Variants in DNM1L observed in about 807,000 individuals in gnomAD.
The protein encoded by DNM1L is dynamin 1L.
A neutral mutation model predicts 92.8 loss-of-function variants in DNM1L; 33 were observed. That is an observed-to-expected ratio of 0.36 (90% CI 0.27 to 0.48). DNM1L has a LOEUF of 0.48. DNM1L is among the 20% of genes least tolerant of loss of function. The probability of loss-of-function intolerance (pLI) is 0.99; values close to 1 mark genes in which losing one functional copy is unlikely to be tolerated. For missense variants in DNM1L, 485 were observed against 888.8 expected, an observed-to-expected ratio of 0.55 and a Z score of 5.78; for synonymous variants, 284 against 305.0, an observed-to-expected ratio of 0.93 and a Z score of 0.72.
At chr12:32,717,349 TATATATAGTATATATA>T (rs1565517515) in intron 6 of DNM1L, among the ~76,000 whole-genome samples, 3 of 62,588 alleles carry the variant, frequency 4.8e-5, no homozygotes, top group East Asian at 3.2e-4. Context: ...TACTATATAT[TATATATAGTATATATA>T]ATATATATAC....
chr12:32,737,006 TGTAA>T (rs1159746723), intron 13 of DNM1L, 95 bp from the exon 14 acceptor site: 1 of 1,156,178 alleles, frequency 8.6e-7, no homozygotes, highest in African/African-American at 1.5e-5. Context: ...AGGATGTATC[TGTAA>T]GTTACTCCAC....
intron 2 of DNM1L, among the ~76,000 whole-genome samples, chr12:32,703,197 G>C (rs1278074850): frequency 6.6e-6 from 1 of 151,890 alleles, no homozygotes; most frequent in Non-Finnish European, 1.5e-5. Context: ...GTACATTTCA[G>C]CTATCGTAGT....
intron 2 of DNM1L, among the ~76,000 whole-genome samples, chr12:32,703,614 CAAA>C (rs61051514): frequency 2.6e-4 from 23 of 86,904 alleles, no homozygotes; most frequent in African/African-American, 7.3e-4. Context: ...CATAAACTTT[CAAA>C]AAAAAAAAAA....
chr12:32,716,242 T>TGGG (rs139854269), intron 6 of DNM1L, among the ~76,000 whole-genome samples: 98 of 147,954 alleles, frequency 6.6e-4, no homozygotes, highest in South Asian at 3.0e-3. Context: ...GAAAATTTGG[T>TGGG]GGGGGGGGGT....
chr12:32,716,242 TG>T (rs139854269), intron 6 of DNM1L, among the ~76,000 whole-genome samples: 295 of 147,964 alleles, frequency 2.0e-3, no homozygotes, highest in African/African-American at 6.6e-3. Flanking sequence ...GAAAATTTGG[TG>T]GGGGGGGGTG....
chr12:32,687,363 T>C (rs1952057038), intron 1 of DNM1L, among the ~76,000 whole-genome samples: 1 of 152,182 alleles, frequency 6.6e-6, no homozygotes, highest in Non-Finnish European at 1.5e-5. Context: ...GCTTCTCCAG[T>C]TGACCTAGTA....
At chr12:32,708,286 G>A (rs1216792641) in intron 4 of DNM1L, 62 bp downstream of exon 4, 2 of 1,093,460 alleles carry the variant, frequency 1.8e-6, no homozygotes, top group Non-Finnish European at 2.8e-6. Flanking sequence ...GAGGTATTCT[G>A]TACATAATAT....
At chr12:32,689,217 G>A (rs369864463) in intron 1 of DNM1L, among the ~76,000 whole-genome samples, 1 of 144,454 alleles carries the variant, frequency 6.9e-6, no homozygotes, top group African/African-American at 2.6e-5. Context: ...TTATTTTTGA[G>A]GCAGAGTTTC....
intron 16 of DNM1L, chr12:32,739,699 T>C (rs1955148861): frequency 4.3e-6 from 1 of 234,424 alleles, no homozygotes; most frequent in Non-Finnish European, 8.5e-6. Context: ...CAGTTCTTTG[T>C]GCTTTTAACG....
At chr12:32,708,281 A>G (rs1953000587) in intron 4 of DNM1L, 57 bp downstream of exon 4, 1 of 1,136,478 alleles carries the variant, frequency 8.8e-7, no homozygotes, top group Non-Finnish European at 1.3e-6. Context: ...TAATTGAGGT[A>G]TTCTGTACAT....
chr12:32,740,573 ATC>A, intron 18 of DNM1L, 55 bp downstream of exon 18: 1 of 1,451,788 alleles, frequency 6.9e-7, no homozygotes, highest in South Asian at 1.2e-5. Flanking sequence ...TGATTCTGTG[ATC>A]TGTTTTGAAA....
rs1453610723 is a variant in DNM1L, at chr12:32,743,341, T to C, written c.2155-13T>C. On this transcript the variant is annotated splice_polypyrimidine_tract_variant and intron_variant, in intron 19 of 19. Coordinates refer to ENST00000549701, the MANE Select transcript of DNM1L (RefSeq NM_012062.5). ...TATAATAAGCATTTAAAATTTTTTT[T>C]CCTTTAATGCAGGCATTACAAGGAG... 1.2e-6 allele frequency: 2 copies of C among 1,612,934 alleles called. No homozygotes were observed. The highest frequency in any genetic ancestry group is 1.7e-5 in the Admixed American group (1 of 59,988).
chr12:32,693,278 G>A (rs1156285284), intron 1 of DNM1L, among the ~76,000 whole-genome samples: 3 of 152,026 alleles, frequency 2.0e-5, no homozygotes, highest in African/African-American at 7.2e-5. Flanking sequence ...GGCTCTTTGA[G>A]GTTTTGTTTT....
At chr12:32,729,876 C>T (rs932084717) in intron 9 of DNM1L, among the ~76,000 whole-genome samples, 6 of 152,084 alleles carry the variant, frequency 3.9e-5, no homozygotes, top group Non-Finnish European at 5.9e-5. Flanking sequence ...TAGACTAGTA[C>T]TTTTTGCCTG....
intron 16 of DNM1L, among the ~76,000 whole-genome samples, chr12:32,738,508 T>C (rs1955061012): frequency 6.6e-6 from 1 of 152,218 alleles, no homozygotes. Flanking sequence ...TTTTGTTACC[T>C]TCAAGAATAG....
chr12:32,681,586 TCCCCACACCGCCCCCCCGCCCCCG>T (rs1951807889), intron 1 of DNM1L, among the ~76,000 whole-genome samples: 1 of 121,236 alleles, frequency 8.2e-6, no homozygotes. Context: ...CCCTATTTTC[TCCCCACACCGCCCCCCCGCCCCCG>T]CCTTTTTTGT....
chr12:32,679,660 A>G (rs1367799472), intron 1 of DNM1L, 195 bp downstream of exon 1: 42 of 1,281,964 alleles, frequency 3.3e-5, no homozygotes, highest in East Asian at 1.0e-4. Flanking sequence ...CGTTGCATCA[A>G]GGCGGAGAAT....
At chr12:32,680,128 A>AG (rs1278722667) in intron 1 of DNM1L, 41 of 622,594 alleles carry the variant, frequency 6.6e-5, no homozygotes, top group Non-Finnish European at 7.2e-5. Context: ...TTTTCTGCGT[A>AG]GGCTGTGCTT....
chr12:32,731,322 T>C lies in DNM1L; in HGVS notation c.1201-34T>C. On this transcript the variant is annotated intron_variant, in intron 10 of 19. Transcript: ENST00000549701. The surrounding 1 kb of genome is among the most constrained non-coding windows in gnomAD (Gnocchi z 5.1). ...ACCCTTGGGAAGAACTGAAATTACA[T>C]ATATAATAAGAGTTCTAAGTTTTAT... The C allele has an allele frequency of 1.9e-6, 3 of 1,612,954 alleles. No homozygotes were observed. Among genetic ancestry groups the C allele is most frequent in the Non-Finnish European group, 2.5e-6 (3 of 1,179,422 alleles).
Sources: gnomAD v4.1 joint callset for allele counts (sites outside exome capture counted in the v4.1 genomes callset) on GRCh38, gnomAD v4.1.1 for gene constraint, Gnocchi (gnomAD v3.1) non-coding constraint, MANE v1.5 for transcripts, NCBI Gene and HGNC (gene_info 2026-07-23, HGNC 2026-07-21) for gene names.